ATXN7: variants seen among roughly 807,000 people sequenced by gnomAD.
ATXN7 encodes the protein ataxin-7.
A neutral mutation model predicts 70.5 loss-of-function variants in ATXN7; 12 were observed. That is an observed-to-expected ratio of 0.17 (90% confidence interval 0.11 to 0.28). The LOEUF is 0.28. Among genes scored for constraint, ATXN7 ranks in the 10% least tolerant of loss-of-function variants. ATXN7 has a pLI of 1.00. For synonymous variants in ATXN7, 498 were observed against 448.7 expected (o/e 1.11, Z -1.39); for missense variants, 1,256 against 1,131.7 (o/e 1.11, Z -1.58).
At chr3:63,946,663 A>AT (rs1315449824) in intron 4 of ATXN7, among the ~76,000 whole-genome samples, 33 of 151,000 alleles carry the variant, frequency 2.2e-4, no homozygotes, top group African/African-American at 7.3e-4. Context: ...AAAAAAAGGA[A>AT]TTTTAGGAGA....
At chr3:63,992,557 A>G (rs2075689197) in intron 11 of ATXN7, among the ~76,000 whole-genome samples, 2 of 152,184 alleles carry the variant, frequency 1.3e-5, no homozygotes, top group Admixed American at 6.5e-5. Context: ...TTATGTTGGT[A>G]TGTGGCTCAT....
At chr3:63,958,184 G>T (rs972364564) in intron 5 of ATXN7, among the ~76,000 whole-genome samples, 1 of 152,148 alleles carries the variant, frequency 6.6e-6, no homozygotes, top group African/African-American at 2.4e-5. Context: ...TACAAATCCT[G>T]TAAAATTAAC....
At position 63,996,230 on chromosome 3, in the gene ATXN7, C is replaced by A; in HGVS notation, c.2408C>A (p.Ser803Tyr). The A allele has an allele frequency of 6.2e-7, 1 of 1,614,178 alleles. No homozygotes were observed. The highest frequency in any genetic ancestry group is 8.5e-7 in the Non-Finnish European group (1 of 1,180,026). ...GTGAACAGCAGTGATTCTACTCTTT[C>A]TCTTGGGCCATTCATTCACCAGTCC... ...VMVNSSDSTL[S>Y]LGPFIHQSNE... Residue 803 changes from serine (S) to tyrosine (Y), a missense_variant, in exon 12 of 13, where the codon TCT becomes TAT. By Grantham distance (144) the Ser-to-Tyr change is moderately radical. Transcript: ENST00000674280.
Position 64,001,880 on chromosome 3 carries a change from A to G in ATXN7, c.*2413A>G, listed in dbSNP as rs937182986. ...TTTTTTTGAATTAAATTAACTTGCA[A>G]AAACCAAATTTGCAGTGGTTGGGTT... On this transcript the variant is annotated 3_prime_UTR_variant, in exon 13 of 13. Coordinates refer to ENST00000674280, the MANE Select transcript of ATXN7 (RefSeq NM_001377405.1). The G allele has an allele frequency of 2.0e-5, 3 of 152,244 alleles. No homozygotes were observed. The highest frequency in any genetic ancestry group is 1.3e-4 in the Admixed American group (2 of 15,274). The allele number at this position is 152,244 out of a possible 1,614,324, so 9.4% of individuals were successfully genotyped here. A position where few individuals can be genotyped will look rare whatever the true frequency, so the allele number is the denominator to read the frequency against.
intron 4 of ATXN7, among the ~76,000 whole-genome samples, chr3:63,949,059 C>G (rs2074911996): frequency 6.6e-6 from 1 of 151,970 alleles, no homozygotes; most frequent in African/African-American, 2.4e-5. Flanking sequence ...AAGCTTTTCA[C>G]AGCATTTGAG....
At chr3:63,949,378 C>T (rs1227073304) in intron 4 of ATXN7, among the ~76,000 whole-genome samples, 1 of 150,942 alleles carries the variant, frequency 6.6e-6, no homozygotes, top group Non-Finnish European at 1.5e-5. Context: ...AGTTGCTTTA[C>T]GTTTTCATAA....
Position 63,913,186 on chromosome 3 carries a change from T to C in ATXN7, c.355T>C (p.Phe119Leu). 1 of 1,612,934 alleles carries C rather than the reference T, an allele frequency of 6.2e-7. No individual in the cohort carries two copies. Among genetic ancestry groups the C allele is most frequent in the Non-Finnish European group, 8.5e-7 (1 of 1,179,718 alleles). The change falls in exon 4 of 13, where the codon TTT (phenylalanine) becomes CTT (leucine). Residue 119 changes from phenylalanine (F) to leucine (L), a missense_variant. Phe to Leu is a conservative substitution (Grantham distance 22). Transcript: ENST00000674280. ...GTELDESFKE[F>L]GKNREVMGLC... ...AGAATTGGACGAAAGTTTCAAGGAG[T>C]TTGGGAAAAACCGCGAAGTCATGGG...
chr3:63,930,566 C>G (rs993297134), intron 4 of ATXN7, among the ~76,000 whole-genome samples: 3 of 150,402 alleles, frequency 2.0e-5, no homozygotes, highest in East Asian at 1.9e-4. Flanking sequence ...GAGTCTCGCT[C>G]TGTTGCCCAG....
At chr3:63,925,226 C>T (rs911861200) in intron 4 of ATXN7, among the ~76,000 whole-genome samples, 11 of 152,118 alleles carry the variant, frequency 7.2e-5, no homozygotes, top group African/African-American at 2.7e-4. Flanking sequence ...AGAGTTTTGT[C>T]TTCCTTTTTA....
rs2075648933 is a variant in ATXN7 at position 63,990,297 on chromosome 3, G to A, written c.1483G>A (p.Gly495Ser). The change falls in exon 10 of 13, where the codon GGC becomes AGC. Residue 495 changes from glycine (G) to serine (S), a missense_variant. Coordinates refer to ENST00000674280, the MANE Select transcript of ATXN7 (RefSeq NM_001377405.1). ...AGCTTCTCGGTTATCCAGTGAGGAG[G>A]GCGAAGGCGATGACAAAGAAGAGTC... ...EPASRLSSEE[G>S]EGDDKEESVE... 2 of 1,614,042 alleles carry A rather than the reference G, an allele frequency of 1.2e-6. No individual in the cohort carries two copies. Among genetic ancestry groups the A allele is most frequent in the Non-Finnish European group, 8.5e-7 (1 of 1,180,038 alleles).
At chr3:63,909,046 T>A (rs573088678) in intron 2 of ATXN7, among the ~76,000 whole-genome samples, 1 of 152,346 alleles carries the variant, frequency 6.6e-6, no homozygotes, top group South Asian at 2.1e-4. Context: ...TACTATCTTG[T>A]GTTCACCCTG....
At chr3:63,892,792 T>C (rs538944668) in intron 1 of ATXN7, among the ~76,000 whole-genome samples, 10 of 152,234 alleles carry the variant, frequency 6.6e-5, no homozygotes, top group Admixed American at 6.5e-4. Flanking sequence ...CTTAACAACA[T>C]TGGGCCCTAG....
At chr3:63,994,240 T>C (rs1335355539) in intron 11 of ATXN7, among the ~76,000 whole-genome samples, 1 of 152,062 alleles carries the variant, frequency 6.6e-6, no homozygotes, top group African/African-American at 2.4e-5. Flanking sequence ...TTTGTTTGTT[T>C]TGTTTTGTTT....
At chr3:63,991,019 C>T (rs1035904446) in intron 11 of ATXN7, 160 bp downstream of exon 11, 1 of 1,011,886 alleles carries the variant, frequency 9.9e-7, no homozygotes. Context: ...TTCATTTACC[C>T]CTTTACCCCA....
At chr3:63,989,938 G>C (rs1447305229) in intron 9 of ATXN7, among the ~76,000 whole-genome samples, 2 of 152,184 alleles carry the variant, frequency 1.3e-5, no homozygotes, top group Non-Finnish European at 2.9e-5. Context: ...GCAATAGAAA[G>C]GATTCGTTCT....
At chr3:63,914,777 A>G (rs774659663) in intron 4 of ATXN7, among the ~76,000 whole-genome samples, 1 of 152,238 alleles carries the variant, frequency 6.6e-6, no homozygotes, top group Non-Finnish European at 1.5e-5. Flanking sequence ...ACAGGGACCC[A>G]ACCAAATTAA....
rs772552066 is a variant in ATXN7, at chr3:63,913,276, T to C, written c.394+51T>C. ...TTGTACAAACCCCTGGGAAGTTTCA[T>C]TGACAGTTCACTGGGACCGGGAACA... On this transcript the variant is annotated intron_variant, in intron 4 of 12. Coordinates refer to ENST00000674280, the MANE Select transcript of ATXN7 (RefSeq NM_001377405.1). 7.1e-6 allele frequency: 11 copies of C among 1,554,182 alleles called. No individual in the cohort carries two copies. The Admixed American group carries it at 1.0e-4, about 15-fold the overall frequency.
chr3:63,884,280 C>CTT (rs1329802414), intron 1 of ATXN7, among the ~76,000 whole-genome samples: 1 of 151,876 alleles, frequency 6.6e-6, no homozygotes, highest in African/African-American at 2.4e-5. Context: ...CTCTCTCTCT[C>CTT]TCCACACACA....
rs997028610 is a variant in ATXN7 at position 63,993,698 on chromosome 3, C to T, written c.1683-1807C>T. Among the ~76,000 whole-genome samples the T allele has an allele frequency of 7.9e-5, 12 of 152,252 alleles. No homozygotes were observed. The East Asian group carries it at 9.7e-4, about 12-fold the overall frequency. ...CTAAGAGGAACTTGTGATTGCCTCC[C>T]GGAGAGATCCACATCCTTCCCTGCT... is the stretch of plus-strand genomic sequence containing the variant. On this transcript the variant is annotated intron_variant, in intron 11 of 12. Transcript: ENST00000674280.
Sources: allele counts gnomAD v4.1 joint callset (sites outside exome capture counted in the v4.1 genomes callset), GRCh38; gene constraint gnomAD v4.1.1; transcripts MANE v1.5; gene names NCBI Gene and HGNC (gene_info 2026-07-23, HGNC 2026-07-21).